Variants in DNPEP observed in about 807,000 individuals in gnomAD.
The protein encoded by DNPEP is aspartyl aminopeptidase.
A neutral mutation model predicts 59.1 loss-of-function variants in DNPEP; 46 were observed. The ratio of observed to expected loss-of-function variants is 0.78; its 90% CI spans 0.61 to 0.99. The LOEUF (loss-of-function observed/expected upper bound fraction) is 0.99. DNPEP is among the 50% of genes least tolerant of loss of function. The probability of loss-of-function intolerance (pLI) is 0.00; values close to 1 mark genes in which losing one functional copy is unlikely to be tolerated. For synonymous variants in DNPEP, 229 were observed against 242.2 expected (o/e 0.95, Z 0.50); for missense variants, 617 against 649.9 (o/e 0.95, Z 0.55).
At chr2:219,389,832 C>A (rs149055971), upstream of DNPEP, among the ~76,000 whole-genome samples, 1 of 143,030 alleles carries the variant, frequency 7.0e-6, no homozygotes, top group Non-Finnish European at 1.5e-5. Flanking sequence ...GATTCTGTCT[C>A]AATAAATAAA....
intron 8 of DNPEP, chr2:219,384,789 G>C: frequency 4.2e-6 from 1 of 235,892 alleles, no homozygotes; most frequent in South Asian, 4.6e-5. Context: ...GGCTAGTCTC[G>C]AACTCCTGAC....
intron 8 of DNPEP, chr2:219,385,111 C>T (rs1416655007): frequency 3.5e-6 from 1 of 289,398 alleles, no homozygotes; most frequent in East Asian, 6.2e-5. Context: ...TGGCCACATC[C>T]AGGCCTCTTT....
At chr2:219,378,064 C>T (rs900297865) in intron 13 of DNPEP, among the ~76,000 whole-genome samples, 5 of 152,092 alleles carry the variant, frequency 3.3e-5, no homozygotes, top group African/African-American at 9.6e-5. Flanking sequence ...AGAAAAAAAT[C>T]TGGAAGACTA....
upstream of DNPEP, chr2:219,388,677 TAAA>T: frequency 1.0e-6 from 1 of 985,580 alleles, no homozygotes; most frequent in Non-Finnish European, 1.2e-6. Context: ...TCGAGGCCAA[TAAA>T]AAGCTCGCCC....
At chr2:219,396,483 G>T (rs1954099126) in intron 1 of DNPEP, among the ~76,000 whole-genome samples, 1 of 151,932 alleles carries the variant, frequency 6.6e-6, no homozygotes, top group African/African-American at 2.4e-5. Context: ...AGCTACTAGG[G>T]AGGCTGAGGC....
intron 1 of DNPEP, among the ~76,000 whole-genome samples, chr2:219,396,812 G>A (rs150183820): frequency 1.5e-4 from 23 of 152,276 alleles, no homozygotes; most frequent in African/African-American, 5.3e-4. Context: ...TATCTAAGAT[G>A]TAACCATCTG....
upstream of DNPEP, among the ~76,000 whole-genome samples, chr2:219,390,206 G>C (rs1953993712): frequency 6.6e-6 from 1 of 152,178 alleles, no homozygotes. Context: ...AGACAATGTG[G>C]AGCTGTAGTC....
At chr2:219,383,444 C>G (rs966493413) in intron 9 of DNPEP, among the ~76,000 whole-genome samples, 1 of 151,634 alleles carries the variant, frequency 6.6e-6, no homozygotes, top group Non-Finnish European at 1.5e-5. Flanking sequence ...AGGTAGAAAC[C>G]TTTAAGGTGT....
At chr2:219,384,055 G>A (rs1953708380) in intron 9 of DNPEP, among the ~76,000 whole-genome samples, 1 of 152,200 alleles carries the variant, frequency 6.6e-6, no homozygotes, top group Non-Finnish European at 1.5e-5. Flanking sequence ...GCCTTTCCCT[G>A]AGGCAGAGGT....
Position 219,386,048 on chromosome 2 carries a change from G to A in DNPEP, c.510C>T (p.Pro170=), listed in dbSNP as rs201686167. Residue 170 remains proline (P), a synonymous_variant, in exon 6 of 15, where the codon CCC becomes CCT. Transcript: ENST00000273075. ...LEQQLVHVER[P]ILRIPHLAIH... is the part of the protein sequence containing the mutation. ...TGGCCAGGTGTGGGATGCGAAGAAT[G>A]GGCCGCTCCACGTGCACCAGCTGCT... is the stretch of plus-strand genomic sequence containing the variant. 45 of 1,614,034 alleles carry A rather than the reference G, an allele frequency of 2.8e-5. No individual in the cohort carries two copies. The highest frequency in any genetic ancestry group is 3.7e-5 in the Non-Finnish European group (44 of 1,180,024).
At chr2:219,381,223 C>T (rs1953581914) in intron 13 of DNPEP, 112 bp downstream of exon 13, 8 of 893,006 alleles carry the variant, frequency 9.0e-6, no homozygotes, top group South Asian at 8.5e-5. Flanking sequence ...TCTACTGGGA[C>T]CCCCCTCCAC....
intron 4 of DNPEP, 118 bp from the exon 5 acceptor site, chr2:219,386,529 TGAAG>T (rs1953844886): frequency 2.7e-6 from 4 of 1,505,708 alleles, no homozygotes; most frequent in Non-Finnish European, 3.6e-6. Context: ...GCTCAAGGTG[TGAAG>T]GAAGGGGCCA....
At chr2:219,382,466 A>G (rs1021157280) in intron 10 of DNPEP, among the ~76,000 whole-genome samples, 2 of 152,144 alleles carry the variant, frequency 1.3e-5, no homozygotes, top group Non-Finnish European at 2.9e-5. Context: ...ACTGTCCATG[A>G]TATCTTTTAG....
chr2:219,388,774 C>G (rs1249752552), upstream of DNPEP: 1 of 985,402 alleles, frequency 1.0e-6, no homozygotes. Flanking sequence ...AGCAATAAGG[C>G]TAATGTCCAT....
intron 1 of DNPEP, among the ~76,000 whole-genome samples, chr2:219,397,896 CT>C (rs1040616606): frequency 1.5e-4 from 23 of 149,598 alleles, no homozygotes; most frequent in Admixed American, 1.3e-3. Context: ...GGATGCTTTT[CT>C]TTTTTTTTTA....
rs748003371 is a variant in DNPEP at position 219,385,633 on chromosome 2, C to T, written c.664G>A (p.Val222Met). Reference sequence around the variant, plus strand: ...CCATGATCAGGAGACTCTCTTACCACAGCATTGAGAGGCCCTGGCTCAGGA... The same window carrying T: ...CCATGATCAGGAGACTCTCTTACCATAGCATTGAGAGGCCCTGGCTCAGGA... ...GTPEPGPLNAVDERHHSVLMS... is the reference protein window; with the variant it reads ...GTPEPGPLNAMDERHHSVLMS... Residue 222 changes from valine (V) to methionine (M), a missense_variant and splice_region_variant, in exon 7 of 15, where the codon GTG becomes ATG. Physicochemically the swap from Val to Met is conservative, Grantham distance 21 (BLOSUM62 1). Coordinates refer to ENST00000273075, the MANE Select transcript of DNPEP (RefSeq NM_012100.4). 1.9e-6 allele frequency: 3 copies of T among 1,612,972 alleles called. No individual in the cohort carries two copies. The highest frequency in any genetic ancestry group is 1.1e-5 in the South Asian group (1 of 90,736).
upstream of DNPEP, chr2:219,388,092 G>T: frequency 4.2e-6 from 1 of 237,584 alleles, no homozygotes; most frequent in Non-Finnish European, 6.1e-6. Context: ...TAGCTTGGCC[G>T]CACCGCCCGC....
intron 1 of DNPEP, 27 bp from the exon 2 acceptor site, chr2:219,387,190 T>C (rs769161448): frequency 1.9e-6 from 3 of 1,549,384 alleles, no homozygotes; most frequent in South Asian, 2.4e-5. Flanking sequence ...CTCAGACTTT[T>C]ACAAGGTCTG....
At position 219,382,027 on chromosome 2, in the gene DNPEP, G is replaced by A. The variant is rs762281419; in HGVS notation, c.1049C>T (p.Ser350Phe). Residue 350 changes from serine (S) to phenylalanine (F), a missense_variant, in exon 11 of 15, where the codon TCC becomes TTC. Ser to Phe is a radical substitution (Grantham distance 155). Coordinates refer to ENST00000273075, the MANE Select transcript of DNPEP (RefSeq NM_012100.4). Reference sequence around the variant, plus strand: ...GGCCATGTCTGCGCTGATCATGAAGGACTTGGGTATGGCTTCCTCGAAGGC... The same window carrying A: ...GGCCATGTCTGCGCTGATCATGAAGAACTTGGGTATGGCTTCCTCGAAGGC... ...PTAFEEAIPK[S>F]FMISADMAHA... is the part of the protein sequence containing the mutation. 1 of 1,614,216 alleles carries A rather than the reference G, an allele frequency of 6.2e-7. No individual in the cohort carries two copies.
Sources: gnomAD v4.1 joint callset for allele counts (sites outside exome capture counted in the v4.1 genomes callset) on GRCh38, gnomAD v4.1.1 for gene constraint, MANE v1.5 for transcripts, NCBI Gene and HGNC (gene_info 2026-07-23, HGNC 2026-07-21) for gene names.